Variants in MCTP1 observed in about 807,000 individuals in gnomAD.
MCTP1 encodes multiple C2 and transmembrane domain-containing protein 1.
Under a neutral mutation model 120.6 loss-of-function variants are expected in MCTP1, and 69 were observed. That is an observed-to-expected ratio of 0.57 (90% CI 0.47 to 0.70). MCTP1 has a LOEUF of 0.70. Ranked by LOEUF, MCTP1 falls within the 30% of genes least tolerant of loss-of-function variation. The pLI, the probability that MCTP1 is intolerant of heterozygous loss-of-function variation, is 0.00. For missense variants in MCTP1, 1,203 were observed against 1,248.8 expected (o/e 0.96, Z 0.55); for synonymous variants, 529 against 493.1 (o/e 1.07, Z -0.96).
At chr5:94,722,585 T>TA (rs1367183818) in intron 19 of MCTP1, among the ~76,000 whole-genome samples, 1 of 152,232 alleles carries the variant, frequency 6.6e-6, no homozygotes, top group Non-Finnish European at 1.5e-5. Flanking sequence ...AATGGAACTA[T>TA]ATATACCAAG....
chr5:94,785,335 G>C (rs1179982889), intron 18 of MCTP1, among the ~76,000 whole-genome samples: 1 of 151,988 alleles, frequency 6.6e-6, no homozygotes, highest in African/African-American at 2.4e-5. Context: ...AATGTATTGG[G>C]TTTTTCACTT....
intron 1 of MCTP1, among the ~76,000 whole-genome samples, chr5:95,244,155 G>A (rs965413533): frequency 6.6e-6 from 1 of 152,206 alleles, no homozygotes; most frequent in Non-Finnish European, 1.5e-5. Flanking sequence ...GGCTGAATAG[G>A]AATACAAAAG....
rs7735924 is a variant in MCTP1 at position 94,707,648 on chromosome 5, G to A, written c.2929-81C>T. The A allele has an allele frequency of 4.0e-6, 4 of 997,552 alleles. No homozygotes were observed. In the East Asian group the frequency reaches 7.2e-5, roughly 18 times the overall value. 61.8% of individuals were successfully genotyped at this position (997,552 alleles called of 1,614,324 possible). A position where few individuals can be genotyped will look rare whatever the true frequency, so the allele number is the denominator to read the frequency against. On this transcript the variant is annotated intron_variant, in intron 22 of 22. Transcript: ENST00000515393. Reference sequence around the variant, plus strand: ...AAGGAACAGCAAAGGAATGAGAGACGGTGCTTGGGGGAAGAAAGTGCTCAC... The same window carrying A: ...AAGGAACAGCAAAGGAATGAGAGACAGTGCTTGGGGGAAGAAAGTGCTCAC...
At chr5:95,211,852 T>G (rs1005227589) in intron 1 of MCTP1, among the ~76,000 whole-genome samples, 22 of 152,186 alleles carry the variant, frequency 1.4e-4, no homozygotes, top group African/African-American at 5.1e-4. Flanking sequence ...GATGGATTTT[T>G]GGTGTGGATG....
intron 1 of MCTP1, among the ~76,000 whole-genome samples, chr5:95,129,147 T>C (rs564966753): frequency 6.6e-5 from 10 of 152,318 alleles, no homozygotes; most frequent in South Asian, 2.1e-4. Flanking sequence ...AAAGAAAGAC[T>C]CTTTACTAAA....
chr5:94,993,437 C>T (rs1408695751), intron 2 of MCTP1, among the ~76,000 whole-genome samples: 3 of 151,902 alleles, frequency 2.0e-5, no homozygotes, highest in South Asian at 2.1e-4. Context: ...CTCTTTTTTT[C>T]CCAGGACTAT....
intron 1 of MCTP1, among the ~76,000 whole-genome samples, chr5:95,239,501 G>T (rs1304162601): frequency 6.6e-6 from 1 of 152,170 alleles, no homozygotes; most frequent in Non-Finnish European, 1.5e-5. Flanking sequence ...TTCTGGGGAT[G>T]AATTATAAGA....
At chr5:94,719,555 A>G (rs1317736707) in intron 19 of MCTP1, among the ~76,000 whole-genome samples, 2 of 152,196 alleles carry the variant, frequency 1.3e-5, no homozygotes, top group African/African-American at 4.8e-5. Flanking sequence ...TCCTCAGCAA[A>G]CTAATGCAGG....
At chr5:95,002,610 C>T (rs560358526) in intron 2 of MCTP1, among the ~76,000 whole-genome samples, 29 of 152,310 alleles carry the variant, frequency 1.9e-4, no homozygotes, top group Admixed American at 1.4e-3. Context: ...GTAGCCAATT[C>T]GTTTTGGCCA....
intron 17 of MCTP1, among the ~76,000 whole-genome samples, chr5:94,853,520 C>T (rs890613064): frequency 6.6e-6 from 1 of 151,886 alleles, no homozygotes; most frequent in African/African-American, 2.4e-5. Context: ...CTTTTGCTTA[C>T]TTTGTATTGC....
At chr5:94,796,618 T>G (rs1442312556) in intron 18 of MCTP1, among the ~76,000 whole-genome samples, 2 of 96,002 alleles carry the variant, frequency 2.1e-5, no homozygotes, top group Non-Finnish European at 4.4e-5. Flanking sequence ...ATATATAATA[T>G]ATATAATATA....
chr5:95,036,690 C>T (rs749988791), intron 1 of MCTP1, among the ~76,000 whole-genome samples: 6 of 152,024 alleles, frequency 3.9e-5, no homozygotes, highest in South Asian at 2.1e-4. Context: ...TCAATCCTAC[C>T]CATAAAATTA....
chr5:94,778,186 C>CA (rs969479378), intron 19 of MCTP1, among the ~76,000 whole-genome samples: 99 of 148,972 alleles, frequency 6.6e-4, no homozygotes, highest in East Asian at 2.4e-3. Flanking sequence ...CTCCTTTCTT[C>CA]AAAAAAAAAA....
chr5:94,932,250 G>A (rs1391109099), intron 5 of MCTP1, among the ~76,000 whole-genome samples: 7 of 149,682 alleles, frequency 4.7e-5, no homozygotes, highest in African/African-American at 1.2e-4. Flanking sequence ...GAACAGTATC[G>A]GGATGCCTTT....
rs183849574 is a variant in MCTP1, at chr5:95,101,120, A to C, written c.721-83636T>G. On this transcript the variant is annotated intron_variant, in intron 1 of 22. Coordinates refer to ENST00000515393, the MANE Select transcript of MCTP1 (RefSeq NM_024717.7). ...AAAAAACCAAACAAACTATGACTCTATATTGCTGTTTGATGGAATAAGACA... is the reference window on the plus strand; with the variant it reads ...AAAAAACCAAACAAACTATGACTCTCTATTGCTGTTTGATGGAATAAGACA... Among the ~76,000 whole-genome samples the C allele has an allele frequency of 9.2e-5, 14 of 152,324 alleles. No individual in the cohort carries two copies. In the East Asian group the frequency reaches 2.3e-3, roughly 25 times the overall value.
intron 8 of MCTP1, among the ~76,000 whole-genome samples, chr5:94,914,744 C>A (rs1231858145): frequency 6.6e-6 from 1 of 152,170 alleles, no homozygotes; most frequent in East Asian, 1.9e-4. Flanking sequence ...AGCTGGAGCC[C>A]CTCTGCTCCT....
At chr5:94,945,047 T>C (rs1818592916) in intron 3 of MCTP1, among the ~76,000 whole-genome samples, 1 of 152,110 alleles carries the variant, frequency 6.6e-6, no homozygotes, top group Non-Finnish European at 1.5e-5. Flanking sequence ...CCCCAAATCC[T>C]AGGGCTAGGA....
chr5:94,873,884 T>G, intron 12 of MCTP1, among the ~76,000 whole-genome samples: 1 of 151,986 alleles, frequency 6.6e-6, no homozygotes, highest in East Asian at 1.9e-4. Context: ...GTATTTTTTT[T>G]TTTTCTATTC....
chr5:94,897,529 C>A (rs768533969), intron 10 of MCTP1, among the ~76,000 whole-genome samples: 5 of 151,986 alleles, frequency 3.3e-5, no homozygotes, highest in Non-Finnish European at 5.9e-5. Context: ...GTGGATTTTT[C>A]TTTTTTCATA....
Sources: allele counts gnomAD v4.1 joint callset (sites outside exome capture counted in the v4.1 genomes callset), GRCh38; gene constraint gnomAD v4.1.1; transcripts MANE v1.5; gene names NCBI Gene and HGNC (gene_info 2026-07-23, HGNC 2026-07-21).